The following GALNT13 variants were observed in gnomAD, a reference collection of about 807,000 sequenced individuals.
GALNT13 encodes polypeptide N-acetylgalactosaminyltransferase 13, also known as UDP-GalNAc:polypeptide N-acetylgalactosaminyltransferase 13.
Under a neutral mutation model 64.2 loss-of-function variants are expected in GALNT13, and 28 were observed. That is an observed-to-expected ratio of 0.44 (90% CI 0.32 to 0.60). The LOEUF is 0.60. Ranked by LOEUF, GALNT13 falls within the 20% of genes least tolerant of loss-of-function variation. GALNT13 has a pLI of 0.05. For missense variants in GALNT13, 577 were observed against 669.8 expected (o/e 0.86, Z 1.53); for synonymous variants, 214 against 224.6 (o/e 0.95, Z 0.42).
At chr2:153,513,300 G>T in the GALNT13 span, among the ~76,000 whole-genome samples, 6 of 152,192 alleles carry the variant, frequency 3.9e-5, no homozygotes, top group Middle Eastern at 3.4e-3. Flanking sequence ...TGAAATTGCT[G>T]CTTTGGAAAC....
the GALNT13 span, among the ~76,000 whole-genome samples, chr2:153,552,150 G>A: frequency 1.3e-5 from 2 of 152,294 alleles, no homozygotes; most frequent in African/African-American, 4.8e-5. Flanking sequence ...ACTATTTGTG[G>A]ACACTGAAAA....
At chr2:154,131,870 T>C (rs1344858253) in intron 3 of GALNT13, among the ~76,000 whole-genome samples, 3 of 152,168 alleles carry the variant, frequency 2.0e-5, no homozygotes, top group Admixed American at 2.0e-4. Context: ...CTTCAGTCTG[T>C]GGCCAAAGGC....
intron 9 of GALNT13, among the ~76,000 whole-genome samples, chr2:154,306,998 T>A (rs1228198756): frequency 1.3e-5 from 2 of 152,058 alleles, no homozygotes; most frequent in East Asian, 3.9e-4. Flanking sequence ...GTTATTTTTT[T>A]TTTTTTTAGC....
At chr2:153,676,560 G>A in the GALNT13 span, among the ~76,000 whole-genome samples, 2 of 151,872 alleles carry the variant, frequency 1.3e-5, no homozygotes, top group Non-Finnish European at 2.9e-5. Flanking sequence ...AGACACAACA[G>A]CAAAAAATGT....
intron 4 of GALNT13, among the ~76,000 whole-genome samples, chr2:154,221,661 C>T (rs1688330362): frequency 2.0e-5 from 3 of 152,056 alleles, no homozygotes; most frequent in African/African-American, 7.2e-5. Flanking sequence ...TTGTTCCTTT[C>T]TGCAGGATAT....
At chr2:153,946,550 C>T (rs528777596) in intron 3 of GALNT13, among the ~76,000 whole-genome samples, 7 of 152,140 alleles carry the variant, frequency 4.6e-5, no homozygotes, top group East Asian at 3.9e-4. Flanking sequence ...GCAGATGCAA[C>T]GTCTGATAAG....
chr2:153,577,533 TA>T, the GALNT13 span, among the ~76,000 whole-genome samples: 1 of 152,128 alleles, frequency 6.6e-6, no homozygotes, highest in Non-Finnish European at 1.5e-5. Context: ...CTTGAGAGCA[TA>T]AAATTCATCA....
the GALNT13 span, among the ~76,000 whole-genome samples, chr2:153,261,128 G>A: frequency 6.6e-6 from 1 of 151,674 alleles, no homozygotes; most frequent in Non-Finnish European, 1.5e-5. Context: ...GTATTTTATT[G>A]AGCTTCCCCC....
At chr2:153,376,170 T>C in the GALNT13 span, among the ~76,000 whole-genome samples, 1 of 152,118 alleles carries the variant, frequency 6.6e-6, no homozygotes, top group Non-Finnish European at 1.5e-5. Context: ...ATATTCAAAC[T>C]ATAACAAATT....
chr2:153,077,379 A>T, the GALNT13 span, among the ~76,000 whole-genome samples: 1 of 152,130 alleles, frequency 6.6e-6, no homozygotes, highest in Non-Finnish European at 1.5e-5. Context: ...AGTTTTTGTG[A>T]CTAAGTAGCA....
At chr2:154,229,514 A>T (rs1688804167) in intron 4 of GALNT13, among the ~76,000 whole-genome samples, 1 of 152,072 alleles carries the variant, frequency 6.6e-6, no homozygotes, top group African/African-American at 2.4e-5. Flanking sequence ...AATGACTTCA[A>T]CCTCTCAGTG....
intron 12 of GALNT13, among the ~76,000 whole-genome samples, chr2:154,443,272 A>G (rs1008109840): frequency 6.6e-6 from 1 of 152,104 alleles, no homozygotes; most frequent in African/African-American, 2.4e-5. Context: ...TGTAGTTCCT[A>G]TATGTTAAAT....
At chr2:154,202,182 G>T (rs1459987438) in intron 4 of GALNT13, among the ~76,000 whole-genome samples, 3 of 152,096 alleles carry the variant, frequency 2.0e-5, no homozygotes, top group Admixed American at 2.0e-4. Context: ...AGATGTTAAT[G>T]GAGTGTCTAC....
chr2:153,230,660 T>C, the GALNT13 span, among the ~76,000 whole-genome samples: 1 of 152,204 alleles, frequency 6.6e-6, no homozygotes, highest in Non-Finnish European at 1.5e-5. Context: ...ACAATTTAAA[T>C]ATATATGAAC....
the GALNT13 span, among the ~76,000 whole-genome samples, chr2:153,671,216 C>T: frequency 9.9e-5 from 15 of 152,072 alleles, no homozygotes; most frequent in Non-Finnish European, 1.3e-4. Context: ...CAAAGATACT[C>T]CTCAAGAAGA....
At chr2:153,929,371 C>T (rs1458072766) in intron 2 of GALNT13, among the ~76,000 whole-genome samples, 5 of 151,928 alleles carry the variant, frequency 3.3e-5, no homozygotes, top group East Asian at 1.9e-4. Context: ...TTTAGGTTTA[C>T]GGGGGCAGGT....
At chr2:154,132,645 G>A (rs1682684498) in intron 3 of GALNT13, among the ~76,000 whole-genome samples, 1 of 151,952 alleles carries the variant, frequency 6.6e-6, no homozygotes, top group African/African-American at 2.4e-5. Flanking sequence ...CAGCACTTTG[G>A]GAGACTGAGG....
At chr2:154,266,959 A>G (rs1010088476) in intron 8 of GALNT13, among the ~76,000 whole-genome samples, 8 of 152,146 alleles carry the variant, frequency 5.3e-5, no homozygotes, top group Non-Finnish European at 1.0e-4. Flanking sequence ...AAAATGTATT[A>G]TAAAGCTATA....
At chr2:153,905,724 C>T (rs1451546365) in intron 2 of GALNT13, among the ~76,000 whole-genome samples, 2 of 151,934 alleles carry the variant, frequency 1.3e-5, no homozygotes, top group Non-Finnish European at 2.9e-5. Flanking sequence ...AGCTTAGCAA[C>T]GTGAGCAAAC....
Sources: gnomAD v4.1 joint callset for allele counts (sites outside exome capture counted in the v4.1 genomes callset) on GRCh38, gnomAD v4.1.1 for gene constraint, MANE v1.5 for transcripts, NCBI Gene and HGNC (gene_info 2026-07-23, HGNC 2026-07-21) for gene names.